The following LRRC66 variants were observed in gnomAD, a reference collection of about 807,000 sequenced individuals.
LRRC66 encodes the protein leucine-rich repeat-containing protein 66.
Under a neutral mutation model 24.6 loss-of-function variants are expected in LRRC66, and 29 were observed. The ratio of observed to expected loss-of-function variants is 1.18; its 90% CI spans 0.88 to 1.61. The LOEUF (loss-of-function observed/expected upper bound fraction) is 1.61. LRRC66 is among the 40% of genes most tolerant of loss of function. The pLI, the probability that LRRC66 is intolerant of heterozygous loss-of-function variation, is 0.00. For missense variants in LRRC66, 1,124 were observed against 1,058.0 expected (o/e 1.06, Z -0.87); for synonymous variants, 411 against 397.6 (o/e 1.03, Z -0.40).
At position 51,995,416 on chromosome 4, in the gene LRRC66, C is replaced by T. The variant is rs1197441993; in HGVS notation, c.1606G>A (p.Glu536Lys). ...DHIHRNDILG[E>K]WTYETVAQEE... ...TGGGCCACAGTTTCATAAGTCCATT[C>T]TCCGAGAATATCATTCCTATGGATG... The change falls in exon 5 of 5, where the codon GAA becomes AAA. Residue 536 changes from glutamate (E) to lysine (K), a missense_variant. Glu to Lys is a moderately conservative substitution (Grantham distance 56). Coordinates refer to ENST00000682860, the MANE Select transcript of LRRC66 (RefSeq NM_001024611.3). The T allele has an allele frequency of 1.2e-6, 2 of 1,614,198 alleles. No homozygotes were observed. Among genetic ancestry groups the T allele is most frequent in the East Asian group, 4.5e-5 (2 of 44,866 alleles).
chr4:52,014,076 G>A (rs1159329521), intron 2 of LRRC66, among the ~76,000 whole-genome samples: 2 of 152,080 alleles, frequency 1.3e-5, no homozygotes, highest in Non-Finnish European at 2.9e-5. Flanking sequence ...CAACATGGAG[G>A]AGCCCCGTCT....
intron 2 of LRRC66, among the ~76,000 whole-genome samples, chr4:52,013,889 G>C (rs1278614131): frequency 6.6e-6 from 1 of 152,200 alleles, no homozygotes; most frequent in Non-Finnish European, 1.5e-5. Flanking sequence ...TGCCTATATA[G>C]TCAGACACAA....
chr4:52,006,099 C>T (rs940498747), intron 2 of LRRC66, among the ~76,000 whole-genome samples: 17 of 152,086 alleles, frequency 1.1e-4, no homozygotes, highest in African/African-American at 3.9e-4. Flanking sequence ...TGAGTAAGTG[C>T]CCTAGGAGCT....
intron 2 of LRRC66, among the ~76,000 whole-genome samples, chr4:52,015,959 G>C (rs1736800377): frequency 6.6e-6 from 1 of 152,084 alleles, no homozygotes; most frequent in South Asian, 2.1e-4. Context: ...TATATAACAT[G>C]AATGACTTTA....
chr4:52,007,380 C>G (rs1736613938), intron 2 of LRRC66, among the ~76,000 whole-genome samples: 1 of 151,890 alleles, frequency 6.6e-6, no homozygotes, highest in Non-Finnish European at 1.5e-5. Flanking sequence ...GAGATAGAAT[C>G]TCACCATGTT....
chr4:51,997,192 C>G (rs1460144726), intron 4 of LRRC66, among the ~76,000 whole-genome samples: 4 of 152,118 alleles, frequency 2.6e-5, no homozygotes, highest in Non-Finnish European at 5.9e-5. Context: ...GTAACATATT[C>G]CAGCACTTTA....
At position 52,018,528 on chromosome 4, in the gene LRRC66, C is replaced by G. The variant is rs183931834; in HGVS notation, c.-5-910G>C. The G allele has an allele frequency of 6.8e-5, 67 of 985,422 alleles. No individual in the cohort carries two copies. In the African/African-American group the frequency reaches 1.1e-3, roughly 17 times the overall value. 61.0% of individuals were successfully genotyped at this position (985,422 alleles called of 1,614,324 possible). On this transcript the variant is annotated intron_variant, in intron 1 of 4. Coordinates refer to ENST00000682860, the MANE Select transcript of LRRC66 (RefSeq NM_001024611.3). ...ATGGCACTCAGTTTAGTTTTCATCA[C>G]TGCAGTCTGAAATACTAAAATGGCT...
intron 3 of LRRC66, among the ~76,000 whole-genome samples, chr4:52,001,181 G>C (rs1256114961): frequency 6.6e-6 from 1 of 152,182 alleles, no homozygotes; most frequent in Non-Finnish European, 1.5e-5. Flanking sequence ...ATTTCAGCTG[G>C]GATAAGTGCA....
intron 3 of LRRC66, among the ~76,000 whole-genome samples, chr4:52,000,794 T>C (rs1736429886): frequency 6.6e-6 from 1 of 152,174 alleles, no homozygotes; most frequent in South Asian, 2.1e-4. Flanking sequence ...TGGGCTTTTA[T>C]GTTAGACTCC....
chr4:52,005,301 T>C (rs1736549602), intron 2 of LRRC66, among the ~76,000 whole-genome samples: 1 of 152,138 alleles, frequency 6.6e-6, no homozygotes, highest in African/African-American at 2.4e-5. Flanking sequence ...CGTGAGCTTA[T>C]AGAAGACTAT....
chr4:51,995,223 G>T lies in LRRC66; in HGVS notation c.1799C>A (p.Thr600Asn). 1 of 1,614,158 alleles carries T rather than the reference G, an allele frequency of 6.2e-7. No individual in the cohort carries two copies. The highest frequency in any genetic ancestry group is 8.5e-7 in the Non-Finnish European group (1 of 1,180,034). ...KMLTHAEAQR[T>N]GDSKERGGTE... Reference sequence around the variant, plus strand: ...GCCCCCTCTTTCCTTACTATCTCCAGTCCTCTGTGCTTCTGCATGTGTTAG... The same window carrying T: ...GCCCCCTCTTTCCTTACTATCTCCATTCCTCTGTGCTTCTGCATGTGTTAG... Residue 600 changes from threonine to asparagine, a missense_variant, in exon 5 of 5, where the codon ACT (threonine) becomes AAT (asparagine). Transcript: ENST00000682860.
chr4:52,004,252 A>T (rs1736524307), intron 2 of LRRC66, among the ~76,000 whole-genome samples: 1 of 152,096 alleles, frequency 6.6e-6, no homozygotes, highest in Admixed American at 6.5e-5. Context: ...CAAGTGATCC[A>T]CCGCCTTGGC....
Position 51,995,168 on chromosome 4 carries a change from C to T in LRRC66, c.1854G>A (p.Met618Ile), listed in dbSNP as rs375054689. 2.7e-4 allele frequency: 437 copies of T among 1,614,242 alleles called. 4 individuals are homozygous for T. The highest frequency in any genetic ancestry group is 1.6e-3 in the South Asian group (144 of 91,088). The change falls in exon 5 of 5, where the codon ATG (methionine) becomes ATA (isoleucine). Residue 618 changes from methionine (M) to isoleucine (I), a missense_variant. Met to Ile is a conservative substitution (Grantham distance 10). Transcript: ENST00000682860. The stretch of plus-strand genomic sequence containing the variant: ...TCACTTGCCTTTCCTTAGAAAATTC[C>T]ATCTGCGAGTCCCAAAGTGACTGTT... ...GTEQSLWDSQ[M>I]EFSKERQVSS... is the part of the protein sequence containing the mutation.
chr4:52,002,348 TGTC>T (rs372524315), intron 3 of LRRC66, among the ~76,000 whole-genome samples: 79 of 152,252 alleles, frequency 5.2e-4, no homozygotes, highest in African/African-American at 1.9e-3. Flanking sequence ...GAATGGGAGT[TGTC>T]GTGGAGGTTA....
At position 51,995,059 on chromosome 4, in the gene LRRC66, C is replaced by G. The variant is rs769578369; in HGVS notation, c.1963G>C (p.Glu655Gln). 3.1e-6 allele frequency: 5 copies of G among 1,614,020 alleles called. No homozygotes were observed. The highest frequency in any genetic ancestry group is 4.2e-6 in the Non-Finnish European group (5 of 1,180,040). The change falls in exon 5 of 5, where the codon GAG becomes CAG. Residue 655 changes from glutamate (E) to glutamine (Q), a missense_variant. Transcript: ENST00000682860. Reference protein sequence around the residue: ...AEEALSAHYSEVPYGDPRDTG... With the variant: ...AEEALSAHYSQVPYGDPRDTG... Reference sequence around the variant, plus strand: ...TCTCTTGGGTCACCGTATGGAACCTCGCTGTAGTGGGCTGAAAGCGCTTCC... The same window carrying G: ...TCTCTTGGGTCACCGTATGGAACCTGGCTGTAGTGGGCTGAAAGCGCTTCC...
chr4:51,995,290 G>A lies in LRRC66; in HGVS notation c.1732C>T (p.Pro578Ser). 6.2e-7 allele frequency: 1 copy of A among 1,614,156 alleles called. No homozygotes were observed. The change falls in exon 5 of 5, where the codon CCT becomes TCT. Residue 578 changes from proline to serine, a missense_variant. Coordinates refer to ENST00000682860, the MANE Select transcript of LRRC66 (RefSeq NM_001024611.3). ...SSRYDSNELD[P>S]SLSGEITASL... Reference sequence around the variant, plus strand: ...GCTGTTATTTCTCCGGAGAGGGAAGGGTCTAATTCATTGGAATCATAACGG... The same window carrying A: ...GCTGTTATTTCTCCGGAGAGGGAAGAGTCTAATTCATTGGAATCATAACGG...
chr4:52,000,617 C>A (rs906674642), intron 3 of LRRC66, among the ~76,000 whole-genome samples: 2 of 152,220 alleles, frequency 1.3e-5, no homozygotes, highest in Non-Finnish European at 1.5e-5. Context: ...GGCTCTGAAG[C>A]AAGCTGACAT....
At chr4:52,017,727 T>C in intron 1 of LRRC66, 109 bp from the exon 2 acceptor site, 1 of 1,378,834 alleles carries the variant, frequency 7.3e-7, no homozygotes, top group Non-Finnish European at 9.3e-7. Context: ...TATCTTGTCT[T>C]GGTTGCCAAT....
intron 2 of LRRC66, among the ~76,000 whole-genome samples, chr4:52,004,815 C>A (rs1736536856): frequency 6.6e-6 from 1 of 152,178 alleles, no homozygotes; most frequent in East Asian, 1.9e-4. Flanking sequence ...ACATGCTAAG[C>A]AAGAGATCGT....
Sources: allele counts gnomAD v4.1 joint callset (sites outside exome capture counted in the v4.1 genomes callset), GRCh38; gene constraint gnomAD v4.1.1; transcripts MANE v1.5; gene names NCBI Gene and HGNC (gene_info 2026-07-23, HGNC 2026-07-21).